Variants in MBNL1 observed in about 807,000 individuals in gnomAD.
The protein encoded by MBNL1 is muscleblind like splicing regulator 1, also known as muscleblind-like protein 1.
In MBNL1, 8 loss-of-function variants were observed where a neutral mutation model predicts 42.2. The observed-to-expected ratio is 0.19, with a 90% CI of 0.11 to 0.34. The LOEUF (loss-of-function observed/expected upper bound fraction) is 0.34, where lower values mean the gene tolerates loss of function less well. Ranked by LOEUF, MBNL1 falls within the 10% of genes least tolerant of loss-of-function variation. MBNL1 has a pLI of 1.00. For synonymous variants in MBNL1, 169 were observed against 173.9 expected, an observed-to-expected ratio of 0.97 and a Z score of 0.22; for missense variants, 309 against 495.3, an observed-to-expected ratio of 0.62 and a Z score of 3.57.
chr3:152,285,517 G>A (rs2051072581), intron 1 of MBNL1, among the ~76,000 whole-genome samples: 1 of 151,658 alleles, frequency 6.6e-6, no homozygotes, highest in African/African-American at 2.4e-5. Context: ...AAAATAAATT[G>A]TATGTCAACA....
chr3:152,295,220 A>G (rs1037170559), intron 1 of MBNL1, among the ~76,000 whole-genome samples: 3 of 152,258 alleles, frequency 2.0e-5, no homozygotes, highest in Admixed American at 1.3e-4. Context: ...TCTCTGCTAC[A>G]GAAAATAAAT....
intron 2 of MBNL1, among the ~76,000 whole-genome samples, chr3:152,371,957 C>A (rs1221257250): frequency 1.3e-5 from 2 of 152,180 alleles, no homozygotes; most frequent in African/African-American, 2.4e-5. Context: ...TAGGTTTGGT[C>A]TTCTCACATA....
At chr3:152,455,213 T>C (rs1731191061) in intron 6 of MBNL1, among the ~76,000 whole-genome samples, 1 of 152,218 alleles carries the variant, frequency 6.6e-6, no homozygotes, top group African/African-American at 2.4e-5. Flanking sequence ...GTAATCAGAT[T>C]AAAACAAAAC....
intron 4 of MBNL1, among the ~76,000 whole-genome samples, chr3:152,437,633 A>G (rs1259195516): frequency 1.3e-5 from 2 of 152,212 alleles, no homozygotes; most frequent in African/African-American, 4.8e-5. Flanking sequence ...TAAAAATTAT[A>G]TACATATATC....
chr3:152,335,848 C>G (rs1286169068), intron 2 of MBNL1, among the ~76,000 whole-genome samples: 2 of 152,118 alleles, frequency 1.3e-5, no homozygotes, highest in South Asian at 4.1e-4. Flanking sequence ...TGGGAACTTA[C>G]AGTGGCATAG....
intron 2 of MBNL1, among the ~76,000 whole-genome samples, chr3:152,388,666 G>A (rs923945253): frequency 6.6e-6 from 1 of 152,170 alleles, no homozygotes; most frequent in African/African-American, 2.4e-5. Context: ...GGATAGAAAG[G>A]GGCATAGAAT....
intron 2 of MBNL1, among the ~76,000 whole-genome samples, chr3:152,328,255 CATT>C (rs1427231767): frequency 6.6e-6 from 1 of 152,026 alleles, no homozygotes; most frequent in Admixed American, 6.6e-5. Flanking sequence ...ACTAGTAACA[CATT>C]ATTTTCTCCA....
intron 2 of MBNL1, among the ~76,000 whole-genome samples, chr3:152,332,740 G>GTGCGCGCA (rs2085967794): frequency 4.4e-5 from 2 of 45,262 alleles, no homozygotes; most frequent in East Asian, 7.1e-4. Context: ...GTGTGTGTGT[G>GTGCGCGCA]CGCGCGCGCA....
chr3:152,323,704 A>G (rs2077734664), intron 2 of MBNL1, among the ~76,000 whole-genome samples: 2 of 152,286 alleles, frequency 1.3e-5, no homozygotes, highest in East Asian at 1.9e-4. Context: ...GTATCAAAAC[A>G]TACTCAAACG....
chr3:152,456,134 C>T, intron 7 of MBNL1, 133 bp from the exon 8 acceptor site: 1 of 666,206 alleles, frequency 1.5e-6, no homozygotes, highest in South Asian at 1.8e-5. Context: ...ATGTCACTCG[C>T]TGGTGATGAT....
chr3:152,417,085 A>G (rs2098714343), intron 3 of MBNL1, among the ~76,000 whole-genome samples: 1 of 152,208 alleles, frequency 6.6e-6, no homozygotes, highest in Non-Finnish European at 1.5e-5. Context: ...TACAGAAATC[A>G]TTTTAATTAT....
chr3:152,450,669 A>G (rs1448054919), intron 6 of MBNL1, among the ~76,000 whole-genome samples: 1 of 152,184 alleles, frequency 6.6e-6, no homozygotes, highest in Non-Finnish European at 1.5e-5. Context: ...GGCTCCATTT[A>G]TATCATAGTC....
At chr3:152,375,854 T>A (rs2096876205) in intron 2 of MBNL1, among the ~76,000 whole-genome samples, 1 of 152,092 alleles carries the variant, frequency 6.6e-6, no homozygotes, top group Non-Finnish European at 1.5e-5. Flanking sequence ...TAAATTTCTA[T>A]ATCTTTTTCC....
intron 2 of MBNL1, among the ~76,000 whole-genome samples, chr3:152,306,746 T>G (rs1362705161): frequency 3.3e-5 from 5 of 152,132 alleles, no homozygotes; most frequent in Admixed American, 3.3e-4. Context: ...TAAAAGAGTG[T>G]TTATTTTTCC....
chr3:152,320,826 G>A (rs1049735400), intron 2 of MBNL1, among the ~76,000 whole-genome samples: 1 of 151,410 alleles, frequency 6.6e-6, no homozygotes, highest in African/African-American at 2.4e-5. Flanking sequence ...CAAACTAATA[G>A]CACTAACAAG....
At chr3:152,419,883 G>A (rs566664043) in intron 3 of MBNL1, among the ~76,000 whole-genome samples, 9 of 152,216 alleles carry the variant, frequency 5.9e-5, no homozygotes, top group South Asian at 4.1e-4. Context: ...CTTGCTGCCA[G>A]CACCGCAGTC....
chr3:152,325,087 G>GCCCCC (rs532842950), intron 2 of MBNL1, among the ~76,000 whole-genome samples: 26 of 15,368 alleles, frequency 1.7e-3, no homozygotes, highest in East Asian at 3.2e-3. Flanking sequence ...CCACATACCC[G>GCCCCC]CCCCCCCCCG....
chr3:152,446,179 C>A (rs796933835), intron 5 of MBNL1, among the ~76,000 whole-genome samples: 12 of 151,854 alleles, frequency 7.9e-5, no homozygotes, highest in African/African-American at 2.7e-4. Flanking sequence ...AAACTATATT[C>A]TCAAGGTAAA....
At chr3:152,352,282 T>C (rs2152999215) in intron 2 of MBNL1, among the ~76,000 whole-genome samples, 1 of 152,336 alleles carries the variant, frequency 6.6e-6, no homozygotes, top group African/African-American at 2.4e-5. Context: ...TTTTAAAAAT[T>C]ATTACTATCA....
Sources: allele counts gnomAD v4.1 joint callset (sites outside exome capture counted in the v4.1 genomes callset), GRCh38; gene constraint gnomAD v4.1.1; transcripts MANE v1.5; gene names NCBI Gene and HGNC (gene_info 2026-07-23, HGNC 2026-07-21).